The following SNTB1 variants were observed in gnomAD, a reference collection of about 807,000 sequenced individuals.
SNTB1 encodes beta-1-syntrophin.
SNTB1 carries 36 observed loss-of-function variants against 48.9 expected under a neutral mutation model. The ratio of observed to expected loss-of-function variants is 0.74; its 90% confidence interval spans 0.56 to 0.97. The LOEUF (loss-of-function observed/expected upper bound fraction) is 0.97. Among genes scored for constraint, SNTB1 ranks in the 50% least tolerant of loss-of-function variants. The pLI is 0.00. For synonymous variants in SNTB1, 299 were observed against 294.6 expected (o/e 1.01, Z -0.15); for missense variants, 786 against 703.4 (o/e 1.12, Z -1.33).
At chr8:120,708,482 A>C (rs1312736038) in intron 1 of SNTB1, among the ~76,000 whole-genome samples, 1 of 152,072 alleles carries the variant, frequency 6.6e-6, no homozygotes, top group Non-Finnish European at 1.5e-5. Context: ...TTAATAACAA[A>C]AGAAGTCATG....
chr8:120,773,575 A>G (rs933178829), intron 1 of SNTB1, among the ~76,000 whole-genome samples: 2 of 152,180 alleles, frequency 1.3e-5, no homozygotes, highest in African/African-American at 4.8e-5. Context: ...GTAAGGCACC[A>G]TCTGGTCCTT....
At chr8:120,781,411 A>G (rs1819828307) in intron 1 of SNTB1, among the ~76,000 whole-genome samples, 1 of 152,194 alleles carries the variant, frequency 6.6e-6, no homozygotes, top group Admixed American at 6.5e-5. Flanking sequence ...TGGATAATGT[A>G]TGAAAATGGT....
intron 2 of SNTB1, among the ~76,000 whole-genome samples, chr8:120,689,067 A>G (rs1818081783): frequency 6.6e-6 from 1 of 152,198 alleles, no homozygotes; most frequent in Non-Finnish European, 1.5e-5. Flanking sequence ...ATATATTGTA[A>G]TTACTGACAG....
intron 1 of SNTB1, among the ~76,000 whole-genome samples, chr8:120,747,605 T>C (rs1361954245): frequency 3.3e-5 from 5 of 152,138 alleles, no homozygotes; most frequent in Non-Finnish European, 7.3e-5. Context: ...TTCTCACTTA[T>C]AAATGGGAAC....
intron 2 of SNTB1, among the ~76,000 whole-genome samples, chr8:120,686,067 C>A (rs1325330036): frequency 6.6e-6 from 1 of 152,174 alleles, no homozygotes; most frequent in Non-Finnish European, 1.5e-5. Context: ...CTGACCATGG[C>A]CACATAAGAT....
At chr8:120,583,371 T>C (rs967975277) in intron 3 of SNTB1, among the ~76,000 whole-genome samples, 1 of 151,878 alleles carries the variant, frequency 6.6e-6, no homozygotes, top group African/African-American at 2.4e-5. Flanking sequence ...CCAGGCGTGG[T>C]GGTGGGTGCC....
intron 1 of SNTB1, among the ~76,000 whole-genome samples, chr8:120,709,139 GA>G (rs1266633075): frequency 6.6e-6 from 1 of 152,072 alleles, no homozygotes; most frequent in East Asian, 1.9e-4. Context: ...AGGAAGGCAA[GA>G]AAGTGTAGGA....
chr8:120,544,598 G>A (rs950755878), intron 5 of SNTB1, among the ~76,000 whole-genome samples: 3 of 152,098 alleles, frequency 2.0e-5, no homozygotes, highest in African/African-American at 7.2e-5. Context: ...GCAGAGTTCA[G>A]CTTATTAGAG....
At chr8:120,718,287 G>T (rs573266698) in intron 1 of SNTB1, among the ~76,000 whole-genome samples, 1 of 152,214 alleles carries the variant, frequency 6.6e-6, no homozygotes, top group Non-Finnish European at 1.5e-5. Context: ...TAGGCTCCAG[G>T]AGGGCAAAGG....
rs774856029 is a variant in SNTB1 at position 120,693,897 on chromosome 8, G to A, written c.583C>T (p.Arg195Ter). The change falls in exon 2 of 7, where the codon CGA (arginine) becomes TGA (stop). Residue 195 changes from arginine (R) to a stop codon, truncating the protein, a stop_gained. Coordinates refer to ENST00000517992, the MANE Select transcript of SNTB1 (RefSeq NM_021021.4). LOFTEE classifies it high-confidence loss of function. Reference sequence around the variant, plus strand: ...TTCTTCACATAGGGCGTGGCTTCTCGCATGTACTTCACTGCAAGGAAAAAG... The same window carrying A: ...TTCTTCACATAGGGCGTGGCTTCTCACATGTACTTCACTGCAAGGAAAAAG... ...KEVLLEVKYM[R>*]EATPYVKKGS... 10 of 1,613,188 alleles carry A rather than the reference G, an allele frequency of 6.2e-6. No homozygotes were observed. The highest frequency in any genetic ancestry group is 7.6e-6 in the Non-Finnish European group (9 of 1,179,462).
intron 2 of SNTB1, among the ~76,000 whole-genome samples, chr8:120,672,941 C>T (rs1817780350): frequency 6.6e-6 from 1 of 152,108 alleles, no homozygotes; most frequent in Non-Finnish European, 1.5e-5. Flanking sequence ...AAGGGAAAAC[C>T]ATAGTACCTC....
chr8:120,618,561 A>T (rs1816749875), intron 3 of SNTB1, among the ~76,000 whole-genome samples: 1 of 152,224 alleles, frequency 6.6e-6, no homozygotes, highest in South Asian at 2.1e-4. Context: ...TGAATGAATT[A>T]TAGGTGCTGA....
chr8:120,805,491 T>A (rs180798531), intron 1 of SNTB1, among the ~76,000 whole-genome samples: 1 of 152,028 alleles, frequency 6.6e-6, no homozygotes, highest in Admixed American at 6.6e-5. Context: ...CAAAATGGAA[T>A]GGGACCAAAA....
chr8:120,735,450 T>C (rs78699014), intron 1 of SNTB1, among the ~76,000 whole-genome samples: 231 of 152,258 alleles, frequency 1.5e-3, no homozygotes, highest in African/African-American at 5.3e-3. Context: ...CTGTACTGTA[T>C]TTGGAGATAG....
Position 120,811,494 on chromosome 8 carries a change from T to G in SNTB1, c.350A>C (p.Lys117Thr). The part of the protein sequence containing the change: ...SNQKRGVKVL[K>T]QELGGLGISI... Reference sequence around the variant, plus strand: ...GATCCCCAGCCCGCCCAGCTCCTGCTTCAGCACCTTCACGCCACGCTTCTG... The same window carrying G: ...GATCCCCAGCCCGCCCAGCTCCTGCGTCAGCACCTTCACGCCACGCTTCTG... Residue 117 changes from lysine (K) to threonine (T), a missense_variant, in exon 1 of 7, where the codon AAG (lysine) becomes ACG (threonine). Physicochemically the swap from Lys to Thr is moderately conservative, Grantham distance 78. Transcript: ENST00000517992. 1 of 1,613,774 alleles carries G rather than the reference T, an allele frequency of 6.2e-7. No individual in the cohort carries two copies. The highest frequency in any genetic ancestry group is 8.5e-7 in the Non-Finnish European group (1 of 1,179,858).
chr8:120,682,921 G>A (rs1279882570), intron 2 of SNTB1, among the ~76,000 whole-genome samples: 2 of 132,096 alleles, frequency 1.5e-5, no homozygotes, highest in Admixed American at 8.6e-5. Flanking sequence ...TCGCTCTTTC[G>A]CCCAGGCCAG....
chr8:120,539,620 T>TA (rs760079434), intron 6 of SNTB1, among the ~76,000 whole-genome samples: 1 of 152,206 alleles, frequency 6.6e-6, no homozygotes, highest in Non-Finnish European at 1.5e-5. Context: ...ATGCAAGACT[T>TA]ACAGTCTGAG....
chr8:120,578,057 G>T (rs1242873890), intron 3 of SNTB1, among the ~76,000 whole-genome samples: 1 of 152,146 alleles, frequency 6.6e-6, no homozygotes, highest in East Asian at 1.9e-4. Context: ...TTTTGAGATA[G>T]AGTCTTGCTT....
At position 120,811,603 on chromosome 8, in the gene SNTB1, C is replaced by T; in HGVS notation, c.241G>A (p.Gly81Ser). ...GCGGGCGAGTCCGGGGGCTGCGCGC[C>T]GCCCGCGCCCGGGTGCCCAGCCCCG... Reference protein sequence around the residue: ...GAGAGHPGAGGAQPPDSPAGV... With the variant: ...GAGAGHPGAGSAQPPDSPAGV... Residue 81 changes from glycine to serine, a missense_variant, in exon 1 of 7, where the codon GGC becomes AGC. Coordinates refer to ENST00000517992, the MANE Select transcript of SNTB1 (RefSeq NM_021021.4). 6.4e-7 allele frequency: 1 copy of T among 1,573,998 alleles called. No homozygotes were observed. The highest frequency in any genetic ancestry group is 1.9e-5 in the Admixed American group (1 of 52,952).
Sources: allele counts gnomAD v4.1 joint callset (sites outside exome capture counted in the v4.1 genomes callset), GRCh38; gene constraint gnomAD v4.1.1; transcripts MANE v1.5; gene names NCBI Gene and HGNC (gene_info 2026-07-23, HGNC 2026-07-21).